The following NOTCH2 variants were observed in gnomAD, a reference collection of about 807,000 sequenced individuals.
The protein encoded by NOTCH2 is neurogenic locus notch homolog protein 2.
In NOTCH2, 29 loss-of-function variants were observed where a neutral mutation model predicts 235.8. That is an observed-to-expected ratio of 0.12 (90% CI 0.09 to 0.17). NOTCH2 has a LOEUF of 0.17. NOTCH2 is among the 10% of genes least tolerant of loss of function. NOTCH2 has a pLI of 1.00. For synonymous variants in NOTCH2, 1,086 were observed against 1,141.5 expected, an observed-to-expected ratio of 0.95 and a Z score of 0.98; for missense variants, 2,285 against 3,150.2, an observed-to-expected ratio of 0.73 and a Z score of 6.57.
At chr1:120,037,572 CAGA>C (rs1654357336) in intron 1 of NOTCH2, among the ~76,000 whole-genome samples, 1 of 149,950 alleles carries the variant, frequency 6.7e-6, no homozygotes, top group Non-Finnish European at 1.5e-5. Flanking sequence ...TCCAAACAAA[CAGA>C]AGAAGTGCGG....
At chr1:119,960,556 T>A (rs1044026323) in intron 11 of NOTCH2, among the ~76,000 whole-genome samples, 3 of 151,942 alleles carry the variant, frequency 2.0e-5, no homozygotes, top group African/African-American at 7.3e-5. Context: ...TTTCTGAGTA[T>A]CACAGAATAA....
chr1:119,924,129 T>G, intron 25 of NOTCH2, 145 bp from the exon 26 acceptor site: 1 of 695,752 alleles, frequency 1.4e-6, no homozygotes, highest in East Asian at 2.7e-5. Context: ...AAAACCTTCT[T>G]TGCATCTCCT....
At chr1:119,944,073 A>C (rs1266657035) in intron 17 of NOTCH2, among the ~76,000 whole-genome samples, 1 of 152,204 alleles carries the variant, frequency 6.6e-6, no homozygotes, top group Non-Finnish European at 1.5e-5. Flanking sequence ...AAAAATAAAT[A>C]AATCAACCTT....
chr1:119,939,253 G>A (rs1355082708), intron 19 of NOTCH2, among the ~76,000 whole-genome samples: 3 of 152,126 alleles, frequency 2.0e-5, no homozygotes, highest in African/African-American at 4.8e-5. Context: ...TTACTTGAGG[G>A]CCTGCTGTAG....
chr1:120,017,711 CATGCAAAGTAG>C (rs1298069534), intron 2 of NOTCH2, among the ~76,000 whole-genome samples: 4 of 147,146 alleles, frequency 2.7e-5, no homozygotes, highest in African/African-American at 1.0e-4. Flanking sequence ...GGGCCAACTC[CATGCAAAGTAG>C]ATTATTTTTT....
At chr1:119,939,297 T>G (rs1649981799) in intron 19 of NOTCH2, among the ~76,000 whole-genome samples, 1 of 152,210 alleles carries the variant, frequency 6.6e-6, no homozygotes. Flanking sequence ...TTTAAAAAGT[T>G]CTTACCAAAA....
At chr1:119,952,625 C>T (rs782506941) in intron 14 of NOTCH2, among the ~76,000 whole-genome samples, 9 of 152,140 alleles carry the variant, frequency 5.9e-5, no homozygotes, top group Non-Finnish European at 1.0e-4. Context: ...AGACAGAGCT[C>T]AGGCGGTAAT....
chr1:119,931,317 T>A (rs369144887), intron 22 of NOTCH2, among the ~76,000 whole-genome samples: 22 of 152,084 alleles, frequency 1.4e-4, no homozygotes, highest in African/African-American at 5.3e-4. Context: ...ACTTTAATAC[T>A]GTCCTAACAG....
chr1:120,025,302 G>C (rs1203323122), intron 2 of NOTCH2, among the ~76,000 whole-genome samples: 1 of 151,584 alleles, frequency 6.6e-6, no homozygotes, highest in Non-Finnish European at 1.5e-5. Context: ...TGAGCAGAAG[G>C]CTCCTGGGGC....
At chr1:119,934,671 T>C (rs1553195536) in intron 22 of NOTCH2, among the ~76,000 whole-genome samples, 1 of 152,214 alleles carries the variant, frequency 6.6e-6, no homozygotes. Context: ...GACACAAAGC[T>C]CTAAGGCAAT....
At chr1:119,935,102 A>T in intron 22 of NOTCH2, 1 of 985,274 alleles carries the variant, frequency 1.0e-6, no homozygotes, top group Non-Finnish European at 1.2e-6. Context: ...TTAAAAAAAT[A>T]CAAAAGCAGG....
In NOTCH2 at chr1:120,048,427, T is replaced by C. The variant is rs1176698274; in HGVS notation, c.74-18440A>G. Among the ~76,000 whole-genome samples the C allele has an allele frequency of 1.5e-5, 2 of 131,300 alleles. 1 individual carries two copies. The highest frequency in any genetic ancestry group is 7.1e-5 in the African/African-American group (2 of 28,064). The allele number at this position is 131,300 out of a possible 152,430, so 86.1% of individuals were successfully genotyped here. A position where few individuals can be genotyped will look rare whatever the true frequency, so the allele number is the denominator to read the frequency against. ...GCAGTAAAGAATGTGGCTTGGCAAT[T>C]AGACAGGCCCAATACCACTTTTTTT... On this transcript the variant is annotated intron_variant, in intron 1 of 33. Transcript: ENST00000256646.
Position 119,928,991 on chromosome 1 carries a change from G to A in NOTCH2, c.3877C>T (p.Arg1293Cys), listed in dbSNP as rs1399178397. ...QLTNDYLCVC[R>C]SAFTGRHCET... Reference sequence around the variant, plus strand: ...AGCTTCTCACCAGTAAAGGCACTACGGCAAACACACAGGTAGTCATTGGTG... The same window carrying A: ...AGCTTCTCACCAGTAAAGGCACTACAGCAAACACACAGGTAGTCATTGGTG... Residue 1293 changes from arginine (R) to cysteine (C), a missense_variant, in exon 23 of 34, where the codon CGT becomes TGT. By Grantham distance (180) the Arg-to-Cys change is radical. Coordinates refer to ENST00000256646, the MANE Select transcript of NOTCH2 (RefSeq NM_024408.4). 15 of 1,613,918 alleles carry A rather than the reference G, an allele frequency of 9.3e-6. No individual in the cohort carries two copies. The highest frequency in any genetic ancestry group is 2.7e-5 in the African/African-American group (2 of 74,908).
At chr1:120,010,154 G>A (rs1313641152) in intron 2 of NOTCH2, among the ~76,000 whole-genome samples, 2 of 151,222 alleles carry the variant, frequency 1.3e-5, no homozygotes, top group African/African-American at 4.9e-5. Context: ...ATTCTGACAA[G>A]ACTTGTTAAC....
Position 119,929,298 on chromosome 1 carries a change from C to T in NOTCH2, c.3656-86G>A, listed in dbSNP as rs1649575673. 4 of 1,080,658 alleles carry T rather than the reference C, an allele frequency of 3.7e-6. No homozygotes were observed. In the South Asian group the frequency reaches 3.9e-5, roughly 10 times the overall value. 66.9% of individuals were successfully genotyped at this position (1,080,658 alleles called of 1,614,324 possible). A position where few individuals can be genotyped will look rare whatever the true frequency, so the allele number is the denominator to read the frequency against. On this transcript the variant is annotated intron_variant, in intron 22 of 33. Transcript: ENST00000256646. Reference sequence around the variant, plus strand: ...GGATAACCACCCTTGTTGGCATTTTCACAATGAATCAGAGTATACTCCTCA... The same window carrying T: ...GGATAACCACCCTTGTTGGCATTTTTACAATGAATCAGAGTATACTCCTCA...
At chr1:120,063,153 G>T (rs1553216525) in intron 1 of NOTCH2, among the ~76,000 whole-genome samples, 1 of 151,598 alleles carries the variant, frequency 6.6e-6, no homozygotes, top group East Asian at 1.9e-4. Flanking sequence ...GCAATCCTGT[G>T]CCCCTTCTTG....
At chr1:119,970,870 G>T (rs955590539) in intron 5 of NOTCH2, among the ~76,000 whole-genome samples, 11 of 152,150 alleles carry the variant, frequency 7.2e-5, no homozygotes, top group African/African-American at 2.7e-4. Context: ...AATATGTCAA[G>T]GTGTCCTTCA....
At chr1:120,024,977 C>T (rs1183793836) in intron 2 of NOTCH2, among the ~76,000 whole-genome samples, 2 of 151,378 alleles carry the variant, frequency 1.3e-5, no homozygotes, top group African/African-American at 2.4e-5. Flanking sequence ...GCAAAGCAAA[C>T]TATATGAAAC....
At chr1:120,029,345 T>TA (rs1557853844) in intron 2 of NOTCH2, among the ~76,000 whole-genome samples, 1 of 151,956 alleles carries the variant, frequency 6.6e-6, no homozygotes, top group African/African-American at 2.4e-5. Flanking sequence ...ATATATTTTT[T>TA]TATATTTTTT....
Sources: gnomAD v4.1 joint callset for allele counts (sites outside exome capture counted in the v4.1 genomes callset) on GRCh38, gnomAD v4.1.1 for gene constraint, MANE v1.5 for transcripts, NCBI Gene and HGNC (gene_info 2026-07-23, HGNC 2026-07-21) for gene names.